Variants in ITGAM observed in about 807,000 individuals in gnomAD.
ITGAM encodes integrin subunit alpha M, also known as integrin alpha-M.
ITGAM carries 79 observed loss-of-function variants against 137.5 expected under a neutral mutation model. The observed-to-expected ratio is 0.57, with a 90% CI of 0.48 to 0.69. The LOEUF (loss-of-function observed/expected upper bound fraction) is 0.69. ITGAM is among the 30% of genes least tolerant of loss of function. The pLI is 0.00. For missense variants in ITGAM, 1,343 were observed against 1,483.5 expected (o/e 0.91, Z 1.56); for synonymous variants, 583 against 592.3 (o/e 0.98, Z 0.23).
chr16:31,329,882 C>A lies in ITGAM; in HGVS notation c.2953C>A (p.Arg985Ser). 1 of 1,562,482 alleles carries A rather than the reference C, an allele frequency of 6.4e-7. No individual in the cohort carries two copies. The part of the protein sequence containing the change: ...VRLNQTVIWD[R>S]PQVTFSENLS... ...GCTGAACCAGACTGTCATATGGGAC[C>A]GCCCCCAGGTCACCTTCTCCGAGGT... The change falls in exon 25 of 30, where the codon CGC becomes AGC. Residue 985 changes from arginine (R) to serine (S), a missense_variant. Transcript: ENST00000544665.
At position 31,286,127 on chromosome 16, in the gene ITGAM, A is replaced by T. The variant is rs191142317; in HGVS notation, c.1356+8018A>T. On this transcript the variant is annotated intron_variant, in intron 12 of 29. Transcript: ENST00000544665. ...TGATTTTCTGTTCCTGTGCCAATTC[A>T]CTTAGGATTATAGCCTCCAGCTGCA... 3.8e-4 allele frequency among the ~76,000 whole-genome samples: 58 copies of T among 151,982 alleles called. 1 individual carries two copies. Among genetic ancestry groups the T allele is most frequent in the Admixed American group, 2.2e-3 (33 of 15,254 alleles).
intron 14 of ITGAM, among the ~76,000 whole-genome samples, chr16:31,299,113 A>G (rs2080168805): frequency 6.6e-6 from 1 of 152,184 alleles, no homozygotes; most frequent in South Asian, 2.1e-4. Context: ...GGCACTTAAC[A>G]TGAGACCTAT....
intron 14 of ITGAM, among the ~76,000 whole-genome samples, chr16:31,313,816 A>G (rs2080361547): frequency 6.6e-6 from 1 of 152,172 alleles, no homozygotes; most frequent in Admixed American, 6.6e-5. Context: ...TGTCTTCTAC[A>G]ATGGTTGAAC....
rs769830773 is a variant in ITGAM, at chr16:31,297,744, G to C, written c.1498-1G>C. ...GGCCTGATACTGTTTGTGTTTAGCA[G>C]AGGGCTCGGTGGCAGTGTGATGCTG... On this transcript the variant is annotated splice_acceptor_variant, in intron 13 of 29. Transcript: ENST00000544665. LOFTEE classifies it high-confidence loss of function. The C allele has an allele frequency of 2.5e-6, 4 of 1,595,450 alleles. No individual in the cohort carries two copies. In the South Asian group the frequency reaches 4.5e-5, roughly 18 times the overall value.
chr16:31,300,233 C>T (rs2080184185), intron 14 of ITGAM, among the ~76,000 whole-genome samples: 1 of 152,200 alleles, frequency 6.6e-6, no homozygotes, highest in Non-Finnish European at 1.5e-5. Context: ...AATAGTGCTG[C>T]AATGAACATG....
At chr16:31,263,242 G>C (rs1256421144) in intron 2 of ITGAM, among the ~76,000 whole-genome samples, 1 of 152,184 alleles carries the variant, frequency 6.6e-6, no homozygotes, top group Non-Finnish European at 1.5e-5. Context: ...TGCCTGGCTT[G>C]TAATCTCCTT....
intron 14 of ITGAM, among the ~76,000 whole-genome samples, chr16:31,303,393 T>C (rs1224768635): frequency 6.6e-6 from 1 of 152,210 alleles, no homozygotes; most frequent in Non-Finnish European, 1.5e-5. Flanking sequence ...AAGTACTGAA[T>C]GGACTATAGT....
chr16:31,327,061 C>A, intron 22 of ITGAM, 126 bp downstream of exon 22: 1 of 782,016 alleles, frequency 1.3e-6, no homozygotes, highest in Non-Finnish European at 2.3e-6. Flanking sequence ...TCAGCAAACA[C>A]TCACTGACCA....
At position 31,285,815 on chromosome 16, in the gene ITGAM, T is replaced by C. The variant is rs560474118; in HGVS notation, c.1356+7706T>C. Reference sequence around the variant, plus strand: ...TCTTTTCTCTCTCTTTTTTTTTTTTTAGAGACAGGGTCTCACTATGTTGCC... The same window carrying C: ...TCTTTTCTCTCTCTTTTTTTTTTTTCAGAGACAGGGTCTCACTATGTTGCC... On this transcript the variant is annotated intron_variant, in intron 12 of 29. Coordinates refer to ENST00000544665, the MANE Select transcript of ITGAM (RefSeq NM_000632.4). 3.1e-3 allele frequency among the ~76,000 whole-genome samples: 463 copies of C among 151,776 alleles called. 1 individual carries two copies. The highest frequency in any genetic ancestry group is 6.8e-3 in the Middle Eastern group (2 of 294).
intron 7 of ITGAM, 39 bp from the exon 8 acceptor site, chr16:31,273,326 T>C (rs1259823998): frequency 1.3e-6 from 2 of 1,560,148 alleles, no homozygotes; most frequent in Non-Finnish European, 1.7e-6. Flanking sequence ...GTGTGTCATC[T>C]ACTTGCATTT....
chr16:31,283,350 G>T (rs1251602634), intron 12 of ITGAM, among the ~76,000 whole-genome samples: 1 of 152,158 alleles, frequency 6.6e-6, no homozygotes, highest in African/African-American at 2.4e-5. Flanking sequence ...TCACTTTCAG[G>T]TACACCAATC....
chr16:31,272,032 G>A lies in ITGAM; in HGVS notation c.704+40G>A, dbSNP rs192989275. The A allele has an allele frequency of 2.1e-5, 34 of 1,612,964 alleles. No individual in the cohort carries two copies. The East Asian group carries it at 7.4e-4, about 35-fold the overall frequency. Reference sequence around the variant, plus strand: ...TTCCCTTAGGATGGAGGGAGGAGGAGACACTTTTAGCTGGGCTTTGATGGA... The same window carrying A: ...TTCCCTTAGGATGGAGGGAGGAGGAAACACTTTTAGCTGGGCTTTGATGGA... On this transcript the variant is annotated intron_variant, in intron 7 of 29. Transcript: ENST00000544665.
intron 8 of ITGAM, 52 bp from the exon 9 acceptor site, chr16:31,275,495 CAG>C (rs2079896276): frequency 6.4e-7 from 1 of 1,566,652 alleles, no homozygotes; most frequent in Admixed American, 1.7e-5. Flanking sequence ...TTGTCTTTGC[CAG>C]ATGATATTGC....
chr16:31,287,563 G>A (rs1229868674), intron 12 of ITGAM, among the ~76,000 whole-genome samples: 2 of 151,884 alleles, frequency 1.3e-5, no homozygotes, highest in Non-Finnish European at 2.9e-5. Context: ...ATTTCTCTTT[G>A]TAGAGACCTT....
chr16:31,315,065 A>G (rs540524154), intron 14 of ITGAM, among the ~76,000 whole-genome samples: 2 of 152,172 alleles, frequency 1.3e-5, no homozygotes, highest in South Asian at 4.1e-4. Flanking sequence ...CACCTGCCTC[A>G]GCCTCCCAAA....
intron 2 of ITGAM, 113 bp downstream of exon 2, chr16:31,261,910 T>C (rs1784909318): frequency 1.6e-6 from 1 of 632,606 alleles, no homozygotes; most frequent in Non-Finnish European, 2.8e-6. Flanking sequence ...CAATTCAAAA[T>C]ATACAACAAA....
chr16:31,271,612 C>G (rs1199575896), intron 6 of ITGAM, among the ~76,000 whole-genome samples: 1 of 152,218 alleles, frequency 6.6e-6, no homozygotes, highest in African/African-American at 2.4e-5. Context: ...CTCGGCTTCC[C>G]AAAGTGCTGG....
intron 12 of ITGAM, among the ~76,000 whole-genome samples, chr16:31,285,095 G>T (rs1390013907): frequency 6.6e-6 from 1 of 152,050 alleles, no homozygotes; most frequent in Non-Finnish European, 1.5e-5. Context: ...CACGTGAGGG[G>T]GTCGTGATCG....
chr16:31,311,359 G>T (rs2080328644), intron 14 of ITGAM, among the ~76,000 whole-genome samples: 1 of 152,228 alleles, frequency 6.6e-6, no homozygotes, highest in East Asian at 1.9e-4. Context: ...CCTACTGAAT[G>T]GGAGAAAATT....
Sources: gnomAD v4.1 joint callset for allele counts (sites outside exome capture counted in the v4.1 genomes callset) on GRCh38, gnomAD v4.1.1 for gene constraint, MANE v1.5 for transcripts, NCBI Gene and HGNC (gene_info 2026-07-23, HGNC 2026-07-21) for gene names.